Variants in LYG1 observed in about 807,000 individuals in gnomAD.
LYG1 encodes lysozyme g1, also known as lysozyme g-like protein 1.
Under a neutral mutation model 21.7 loss-of-function variants are expected in LYG1, and 17 were observed. The observed-to-expected ratio is 0.78, with a 90% confidence interval of 0.54 to 1.18. LYG1 has a LOEUF of 1.18. Among genes scored for constraint, LYG1 ranks in the 50% most tolerant of loss-of-function variants. LYG1 has a pLI of 0.00. For missense variants in LYG1, 211 were observed against 238.1 expected (o/e 0.89, Z 0.75); for synonymous variants, 81 against 87.4 (o/e 0.93, Z 0.41).
rs774710588 is a variant in LYG1, at chr2:99,295,625, C to A, written c.43+3G>T. 5 of 1,614,156 alleles carry A rather than the reference C, an allele frequency of 3.1e-6. No homozygotes were observed. In the East Asian group the frequency reaches 1.1e-4, roughly 36 times the overall value. On this transcript the variant is annotated splice_donor_region_variant and intron_variant, in intron 3 of 6. Coordinates refer to ENST00000308528, the MANE Select transcript of LYG1 (RefSeq NM_174898.3). ...GTCATTTGTAAAAATCAGCCACACT[C>A]ACCCATCAGGGCAAGGAGGCCCAGC...
chr2:99,292,690 T>C (rs1279786295), intron 3 of LYG1, 50 bp from the exon 4 acceptor site: 1 of 1,154,434 alleles, frequency 8.7e-7, no homozygotes, highest in Admixed American at 1.7e-5. Context: ...GTTCTCATCA[T>C]TCTTCTGTCC....
upstream of LYG1, among the ~76,000 whole-genome samples, chr2:99,303,861 G>T (rs2094160622): frequency 6.6e-6 from 1 of 151,582 alleles, no homozygotes; most frequent in African/African-American, 2.4e-5. Context: ...AGTCTCAAGA[G>T]ATCTGATGAT....
chr2:99,301,322 T>C (rs967221800), upstream of LYG1: 5 of 151,782 alleles, frequency 3.3e-5, no homozygotes, highest in African/African-American at 7.3e-5. Flanking sequence ...CTTTGACACA[T>C]TGAGGTCCAA....
intron 5 of LYG1, 95 bp from the exon 6 acceptor site, chr2:99,284,915 T>C (rs1037673107): frequency 1.3e-6 from 2 of 1,481,806 alleles, no homozygotes; most frequent in Non-Finnish European, 9.2e-7. Flanking sequence ...TTCCTGTCTC[T>C]TGTTCTCCTT....
intron 5 of LYG1, among the ~76,000 whole-genome samples, chr2:99,287,717 G>A (rs1460421863): frequency 6.6e-6 from 1 of 151,938 alleles, no homozygotes; most frequent in East Asian, 1.9e-4. Flanking sequence ...ATGTGTGTGT[G>A]TGTGCATGTA....
chr2:99,298,852 T>C (rs995532441), intron 1 of LYG1, among the ~76,000 whole-genome samples: 2 of 152,226 alleles, frequency 1.3e-5, no homozygotes, highest in African/African-American at 4.8e-5. Flanking sequence ...TCTCTGTGTC[T>C]ACCTACTCAT....
intron 3 of LYG1, among the ~76,000 whole-genome samples, chr2:99,295,137 A>G (rs1248754495): frequency 6.6e-6 from 1 of 152,132 alleles, no homozygotes; most frequent in East Asian, 1.9e-4. Context: ...CAACAAAAAC[A>G]AGTACTTTCC....
chr2:99,291,501 A>T, intron 4 of LYG1, 80 bp from the exon 5 acceptor site: 1 of 1,454,410 alleles, frequency 6.9e-7, no homozygotes, highest in South Asian at 1.3e-5. Context: ...GAGAAAGAAC[A>T]ATCCAAGGAT....
At chr2:99,291,203 G>T in intron 5 of LYG1, 34 bp downstream of exon 5, 2 of 1,599,446 alleles carry the variant, frequency 1.3e-6, no homozygotes, top group South Asian at 1.1e-5. Context: ...CCACATAGCA[G>T]AATGGCCACA....
rs141764239 is a variant in LYG1, at chr2:99,287,320, G to C, written c.334-2500C>G. Among the ~76,000 whole-genome samples, 444 of 152,252 alleles carry C rather than the reference G, an allele frequency of 2.9e-3. 2 individuals carry two copies. The highest frequency in any genetic ancestry group is 0.01 in the African/African-American group (417 of 41,524). ...TGTTCTCACTTGTAAGTGGGAGCTAGATGATGAGAACACATGGACACATAC... is the reference window on the plus strand; with the variant it reads ...TGTTCTCACTTGTAAGTGGGAGCTACATGATGAGAACACATGGACACATAC... On this transcript the variant is annotated intron_variant, in intron 5 of 6. Coordinates refer to ENST00000308528, the MANE Select transcript of LYG1 (RefSeq NM_174898.3).
chr2:99,299,334 G>A (rs2094147213), intron 1 of LYG1, among the ~76,000 whole-genome samples: 1 of 148,024 alleles, frequency 6.8e-6, no homozygotes, highest in Admixed American at 6.7e-5. Flanking sequence ...TCTCCCAGGT[G>A]GGAGTGCAGT....
chr2:99,299,291 T>C (rs920931397), intron 1 of LYG1, among the ~76,000 whole-genome samples: 9 of 149,570 alleles, frequency 6.0e-5, no homozygotes, highest in African/African-American at 1.2e-4. Flanking sequence ...TTTCTTTTTT[T>C]TTTTTTTTTA....
At chr2:99,288,659 C>G (rs1252309293) in intron 5 of LYG1, among the ~76,000 whole-genome samples, 2 of 152,176 alleles carry the variant, frequency 1.3e-5, no homozygotes, top group Non-Finnish European at 2.9e-5. Flanking sequence ...ACCTCCGCCT[C>G]CCAGGCTCCA....
chr2:99,288,201 A>G (rs1331561046), intron 5 of LYG1, among the ~76,000 whole-genome samples: 2 of 152,192 alleles, frequency 1.3e-5, no homozygotes, highest in Middle Eastern at 3.4e-3. Flanking sequence ...GATAAATTCA[A>G]TCTTTTTTGT....
At chr2:99,300,444 CAGAGCAAAT>C (rs2094150857) in intron 1 of LYG1, among the ~76,000 whole-genome samples, 4 of 151,366 alleles carry the variant, frequency 2.6e-5, no homozygotes, top group Non-Finnish European at 4.4e-5. Context: ...TCCTTCTGCA[CAGAGCAAAT>C]CAGGGAGACT....
At chr2:99,298,862 T>C (rs765250371) in intron 1 of LYG1, among the ~76,000 whole-genome samples, 2 of 152,154 alleles carry the variant, frequency 1.3e-5, no homozygotes, top group Admixed American at 6.5e-5. Flanking sequence ...TACCTACTCA[T>C]TGTGTGCCAA....
chr2:99,291,336 C>T lies in LYG1; in HGVS notation c.234G>A (p.Lys78=). The change falls in exon 5 of 7, where the codon AAG becomes AAA. Residue 78 remains lysine (K), a synonymous_variant. Transcript: ENST00000308528. ...YQPMMQTIGQ[K]YCMDPAVIAG... is the part of the protein sequence containing the mutation. ...CGATCACGGCAGGATCCATGCAGTA[C>T]TTTTGGCCAATGGTTTGCATCATGG... The T allele has an allele frequency of 4.3e-6, 7 of 1,614,182 alleles. No individual in the cohort carries two copies. Among genetic ancestry groups the T allele is most frequent in the Non-Finnish European group, 5.9e-6 (7 of 1,180,034 alleles).
chr2:99,285,650 T>A (rs761032108), intron 5 of LYG1, among the ~76,000 whole-genome samples: 1 of 152,208 alleles, frequency 6.6e-6, no homozygotes, highest in Non-Finnish European at 1.5e-5. Context: ...TTATGAATAA[T>A]CATATAAGCT....
upstream of LYG1, among the ~76,000 whole-genome samples, chr2:99,303,889 C>T (rs983241111): frequency 2.6e-5 from 4 of 151,440 alleles, no homozygotes; most frequent in Admixed American, 6.6e-5. Context: ...GAAGAAACCC[C>T]GGCCGGGCAC....
Sources: gnomAD v4.1 joint callset for allele counts (sites outside exome capture counted in the v4.1 genomes callset) on GRCh38, gnomAD v4.1.1 for gene constraint, MANE v1.5 for transcripts, NCBI Gene and HGNC (gene_info 2026-07-23, HGNC 2026-07-21) for gene names.